Variants in PAWR observed in about 807,000 individuals in gnomAD.
The protein encoded by PAWR is pro-apoptotic WT1 regulator.
In PAWR, 23 loss-of-function variants were observed where a neutral mutation model predicts 32.0. The observed-to-expected ratio is 0.72, with a 90% CI of 0.52 to 1.02. The LOEUF (loss-of-function observed/expected upper bound fraction) is 1.02. PAWR is among the 50% of genes least tolerant of loss of function. The probability of loss-of-function intolerance (pLI) is 0.00; values close to 1 mark genes in which losing one functional copy is unlikely to be tolerated. For synonymous variants in PAWR, 226 were observed against 187.1 expected (o/e 1.21, Z -1.70); for missense variants, 457 against 437.7 (o/e 1.04, Z -0.39).
intron 3 of PAWR, among the ~76,000 whole-genome samples, chr12:79,615,678 GTTAT>G (rs1874695361): frequency 6.6e-6 from 1 of 152,112 alleles, no homozygotes; most frequent in Non-Finnish European, 1.5e-5. Context: ...TATTTAGATG[GTTAT>G]TTAATGTCGA....
At chr12:79,624,128 T>C (rs1424955389) in intron 2 of PAWR, among the ~76,000 whole-genome samples, 1 of 152,168 alleles carries the variant, frequency 6.6e-6, no homozygotes, top group Non-Finnish European at 1.5e-5. Flanking sequence ...ATCATTAGCT[T>C]AAAGTTGGAA....
intron 2 of PAWR, among the ~76,000 whole-genome samples, chr12:79,633,871 T>A (rs1875833933): frequency 6.6e-6 from 1 of 152,190 alleles, no homozygotes; most frequent in African/African-American, 2.4e-5. Flanking sequence ...AAAATCCATA[T>A]ATTTTAGAGA....
rs375357863 is a variant in PAWR, at chr12:79,689,821, G to A, written c.424C>T (p.Pro142Ser). Residue 142 changes from proline to serine, a missense_variant, in exon 2 of 7, where the codon CCC becomes TCC. By Grantham distance (74) the Pro-to-Ser change is moderately conservative. Coordinates refer to ENST00000328827, the MANE Select transcript of PAWR (RefSeq NM_002583.4). The part of the protein sequence containing the change: ...GVPEKGKSSG[P>S]SARKGKGQIE... ...TGCCCCTTGCCTTTCCTGGCACTGG[G>A]GCCCGAGCTCTTGCCCTTCTCTGGG... is the stretch of plus-strand genomic sequence containing the variant. 5 of 1,594,482 alleles carry A rather than the reference G, an allele frequency of 3.1e-6. No homozygotes were observed. The highest frequency in any genetic ancestry group is 1.4e-5 in the African/African-American group (1 of 73,972).
intron 4 of PAWR, among the ~76,000 whole-genome samples, chr12:79,609,779 A>G (rs778347161): frequency 1.3e-5 from 2 of 152,120 alleles, no homozygotes; most frequent in African/African-American, 2.4e-5. Context: ...AGGCTGTCAT[A>G]CTGACCCTCT....
intron 2 of PAWR, among the ~76,000 whole-genome samples, chr12:79,651,258 G>A (rs1206647431): frequency 6.6e-6 from 1 of 152,006 alleles, no homozygotes; most frequent in African/African-American, 2.4e-5. Context: ...TTTATTCTAA[G>A]TGACCGAACA....
chr12:79,596,964 G>A, intron 4 of PAWR: 2 of 255,024 alleles, frequency 7.8e-6, no homozygotes, highest in South Asian at 1.5e-4. Flanking sequence ...TGGTTAAAAG[G>A]GAATATAACT....
intron 2 of PAWR, among the ~76,000 whole-genome samples, chr12:79,661,248 C>CAAAAAA (rs397967995): frequency 5.6e-5 from 4 of 71,456 alleles, no homozygotes; most frequent in African/African-American, 3.8e-5. Context: ...GACTCTGTCT[C>CAAAAAA]AAAAAAAAAA....
Position 79,593,031 on chromosome 12 carries a change from AC to A in PAWR, c.937-339del, listed in dbSNP as rs1873612607. Among the ~76,000 whole-genome samples, 3 of 151,658 alleles carry A rather than the reference AC, an allele frequency of 2.0e-5. No individual in the cohort carries two copies. The South Asian group carries it at 6.3e-4, about 32-fold the overall frequency. On this transcript the variant is annotated intron_variant, in intron 6 of 6. Transcript: ENST00000328827. ...ACAAACTCCACTTCCCCTCCCTAAA[AC>A]TGAGGCAAAAAAAAAAACTACCCAT...
intron 5 of PAWR, among the ~76,000 whole-genome samples, 161 bp from the exon 6 acceptor site, chr12:79,594,594 A>T (rs186791442): frequency 1.4e-4 from 21 of 152,344 alleles, no homozygotes; most frequent in Admixed American, 1.3e-3. Flanking sequence ...ATCCCACCAC[A>T]AAAGGAATCA....
At chr12:79,645,646 A>C (rs1453287437) in intron 2 of PAWR, among the ~76,000 whole-genome samples, 1 of 152,222 alleles carries the variant, frequency 6.6e-6, no homozygotes, top group Non-Finnish European at 1.5e-5. Context: ...TTCCTTTAAC[A>C]GTACTTAGGA....
intron 2 of PAWR, among the ~76,000 whole-genome samples, chr12:79,639,896 C>CT (rs1262002400): frequency 1.5e-4 from 19 of 124,442 alleles, no homozygotes; most frequent in African/African-American, 3.0e-4. Flanking sequence ...CATTCCATTC[C>CT]ATTCCATTCC....
At chr12:79,594,286 C>CA (rs763080481) in intron 6 of PAWR, 43 bp downstream of exon 6, 228 of 746,712 alleles carry the variant, frequency 3.1e-4, no homozygotes, top group Middle Eastern at 1.4e-3. Flanking sequence ...ATCCAATTGC[C>CA]AAAAAAAACC....
intron 2 of PAWR, among the ~76,000 whole-genome samples, chr12:79,688,617 T>C (rs1200651592): frequency 6.6e-6 from 1 of 152,098 alleles, no homozygotes; most frequent in African/African-American, 2.4e-5. Flanking sequence ...GAAACGCTCA[T>C]ATAAATACGT....
intron 2 of PAWR, chr12:79,635,549 C>G (rs1016707787): frequency 1.3e-5 from 2 of 152,004 alleles, no homozygotes; most frequent in Non-Finnish European, 2.9e-5. Context: ...CAACCACTTA[C>G]CTATAAAAAC....
chr12:79,620,621 C>T (rs1023235480), intron 3 of PAWR, among the ~76,000 whole-genome samples: 2 of 152,248 alleles, frequency 1.3e-5, no homozygotes, highest in Admixed American at 1.3e-4. Context: ...AGGAGGGTGG[C>T]TCAGAAAAGG....
At chr12:79,633,519 T>G (rs918193939) in intron 2 of PAWR, among the ~76,000 whole-genome samples, 8 of 152,196 alleles carry the variant, frequency 5.3e-5, no homozygotes, top group African/African-American at 1.2e-4. Flanking sequence ...TGTTTGTTTT[T>G]TTGTTGTTGT....
chr12:79,612,714 T>G (rs1026633152), intron 4 of PAWR, among the ~76,000 whole-genome samples: 1 of 152,202 alleles, frequency 6.6e-6, no homozygotes, highest in Non-Finnish European at 1.5e-5. Context: ...TACTCAATAA[T>G]ATTTATCATT....
At chr12:79,681,145 TGGGGAGGGGAGGGGAGGGGA>T (rs370518706) in intron 2 of PAWR, among the ~76,000 whole-genome samples, 5 of 5,538 alleles carry the variant, frequency 9.0e-4, no homozygotes, top group Non-Finnish European at 2.1e-3. Flanking sequence ...AGGGGAGGGG[TGGGGAGGGGAGGGGAGGGGA>T]GGAAAGGAAA....
chr12:79,684,283 C>T (rs1425021252), intron 2 of PAWR, among the ~76,000 whole-genome samples: 2 of 151,848 alleles, frequency 1.3e-5, no homozygotes, highest in Non-Finnish European at 2.9e-5. Context: ...TGGCACACAT[C>T]ATAGGTGCTA....
Sources: gnomAD v4.1 joint callset for allele counts (sites outside exome capture counted in the v4.1 genomes callset) on GRCh38, gnomAD v4.1.1 for gene constraint, MANE v1.5 for transcripts, NCBI Gene and HGNC (gene_info 2026-07-23, HGNC 2026-07-21) for gene names.